MAJIN: variants seen among roughly 807,000 people sequenced by gnomAD.
The protein encoded by MAJIN is membrane anchored junction protein, also known as membrane-anchored junction protein.
A neutral mutation model predicts 30.2 loss-of-function variants in MAJIN; 27 were observed. The ratio of observed to expected loss-of-function variants is 0.89; its 90% CI spans 0.66 to 1.23. The LOEUF is 1.23. Ranked by LOEUF, MAJIN falls within the 50% of genes most tolerant of loss-of-function variation. MAJIN has a pLI of 0.00. For synonymous variants in MAJIN, 78 were observed against 91.6 expected, an observed-to-expected ratio of 0.85 and a Z score of 0.85; for missense variants, 253 against 260.3, an observed-to-expected ratio of 0.97 and a Z score of 0.19.
chr11:64,968,748 C>T (rs1478556432), intron 1 of MAJIN, among the ~76,000 whole-genome samples: 6 of 151,530 alleles, frequency 4.0e-5, no homozygotes, highest in Admixed American at 3.3e-4. Flanking sequence ...GGGAGAATGG[C>T]ACGAACCCAG....
At chr11:64,966,536 CAAAAAAAGAA>C (rs1945812603) in intron 1 of MAJIN, among the ~76,000 whole-genome samples, 1 of 150,988 alleles carries the variant, frequency 6.6e-6, no homozygotes, top group African/African-American at 2.4e-5. Flanking sequence ...GACTCCATCT[CAAAAAAAGAA>C]AAGAAAAGAA....
At chr11:64,944,495 C>CA (rs1945421731) in intron 8 of MAJIN, among the ~76,000 whole-genome samples, 1 of 152,108 alleles carries the variant, frequency 6.6e-6, no homozygotes, top group African/African-American at 2.4e-5. Context: ...CCCATCTCTA[C>CA]AAAAAATACA....
chr11:64,969,885 A>G (rs1272941697), intron 1 of MAJIN, among the ~76,000 whole-genome samples: 1 of 152,082 alleles, frequency 6.6e-6, no homozygotes, highest in East Asian at 1.9e-4. Context: ...GAAGAGGTAA[A>G]AGCACCATTT....
intron 1 of MAJIN, among the ~76,000 whole-genome samples, chr11:64,963,005 C>T (rs1282395505): frequency 3.9e-5 from 6 of 151,988 alleles, no homozygotes; most frequent in Admixed American, 6.6e-5. Flanking sequence ...GGGGCACCTG[C>T]AATCCCAGCT....
chr11:64,957,854 G>T lies in MAJIN; in HGVS notation c.101+1451C>A, dbSNP rs554622975. On this transcript the variant is annotated intron_variant, in intron 3 of 10. Transcript: ENST00000301896. ...TGGGATTACAGGCATGAGCCATCTT[G>T]CCTGGCTCACTAAATATAACTTTAA... Among the ~76,000 whole-genome samples, 30 of 152,172 alleles carry T rather than the reference G, an allele frequency of 2.0e-4. 1 individual carries two copies. Among genetic ancestry groups the T allele is most frequent in the African/African-American group, 7.0e-4 (29 of 41,514 alleles).
chr11:64,953,285 C>T (rs1164154516), intron 4 of MAJIN, among the ~76,000 whole-genome samples: 1 of 152,090 alleles, frequency 6.6e-6, no homozygotes, highest in East Asian at 1.9e-4. Context: ...CGAAGTCAAA[C>T]TGTGAATGGC....
intron 1 of MAJIN, among the ~76,000 whole-genome samples, chr11:64,961,195 T>G (rs1228526088): frequency 2.0e-5 from 3 of 151,148 alleles, no homozygotes; most frequent in Non-Finnish European, 4.4e-5. Context: ...TGAGTCAGGG[T>G]CTCACTCTGT....
intron 1 of MAJIN, among the ~76,000 whole-genome samples, chr11:64,960,927 T>A (rs999542462): frequency 2.0e-5 from 3 of 152,166 alleles, no homozygotes; most frequent in African/African-American, 7.2e-5. Flanking sequence ...AGACTAGAAT[T>A]GCAGTCAAAA....
At chr11:64,953,357 T>G (rs1270010009) in intron 4 of MAJIN, among the ~76,000 whole-genome samples, 2 of 152,196 alleles carry the variant, frequency 1.3e-5, no homozygotes, top group Admixed American at 6.5e-5. Flanking sequence ...AGCTAGACAC[T>G]ATCCTAGTAT....
chr11:64,940,728 G>T, intron 8 of MAJIN, 82 bp from the exon 9 acceptor site: 1 of 1,276,232 alleles, frequency 7.8e-7, no homozygotes, highest in South Asian at 1.2e-5. Context: ...CTGGTGAACT[G>T]ATTTCATATC....
intron 1 of MAJIN, among the ~76,000 whole-genome samples, chr11:64,962,209 T>C (rs77432824): frequency 2.6e-5 from 4 of 152,230 alleles, no homozygotes; most frequent in Non-Finnish European, 5.9e-5. Context: ...GGAAATTTCA[T>C]GTGTTGTACC....
chr11:64,964,180 G>T (rs1416864921), intron 1 of MAJIN, among the ~76,000 whole-genome samples: 1 of 152,134 alleles, frequency 6.6e-6, no homozygotes, highest in Non-Finnish European at 1.5e-5. Context: ...CGGACCTCAG[G>T]TGATCTCCCT....
At chr11:64,961,093 G>A (rs1471406487) in intron 1 of MAJIN, among the ~76,000 whole-genome samples, 1 of 152,100 alleles carries the variant, frequency 6.6e-6, no homozygotes, top group Non-Finnish European at 1.5e-5. Context: ...TAGGCGGTGA[G>A]CCCACCTGGT....
chr11:64,943,410 C>T (rs1318278787), intron 8 of MAJIN, among the ~76,000 whole-genome samples: 2 of 152,174 alleles, frequency 1.3e-5, no homozygotes, highest in African/African-American at 4.8e-5. Flanking sequence ...TCTAAGCTTT[C>T]GCCACACAGG....
At chr11:64,971,559 C>T (rs1459713312) in intron 1 of MAJIN, among the ~76,000 whole-genome samples, 4 of 151,990 alleles carry the variant, frequency 2.6e-5, no homozygotes, top group Admixed American at 2.0e-4. Context: ...CAGCAGGGTC[C>T]CCGTACTGTG....
chr11:64,938,328 T>C lies in MAJIN; in HGVS notation c.*247A>G, dbSNP rs1945317781. The C allele has an allele frequency of 1.7e-6, 1 of 592,998 alleles. No individual in the cohort carries two copies. Among genetic ancestry groups the C allele is most frequent in the Non-Finnish European group, 2.9e-6 (1 of 345,474 alleles). The allele number at this position is 592,998 out of a possible 1,614,324, so 36.7% of individuals were successfully genotyped here. ...GACATGAACATTTTAGAAAGTTCCA[T>C]TCTTAATGTTTTAAATTGGGGGAAA... On this transcript the variant is annotated 3_prime_UTR_variant, in exon 11 of 11. Coordinates refer to ENST00000301896, the MANE Select transcript of MAJIN (RefSeq NM_001037225.3).
At chr11:64,966,428 G>A (rs145487052) in intron 1 of MAJIN, among the ~76,000 whole-genome samples, 30 of 151,770 alleles carry the variant, frequency 2.0e-4, no homozygotes, top group African/African-American at 6.8e-4. Context: ...CCAGATACTC[G>A]GGAGGCTGAG....
At chr11:64,957,471 T>C (rs570102898) in intron 3 of MAJIN, among the ~76,000 whole-genome samples, 9 of 152,168 alleles carry the variant, frequency 5.9e-5, no homozygotes, top group Non-Finnish European at 1.3e-4. Flanking sequence ...AGCGGCGCGA[T>C]CTGCTCACTG....
intron 6 of MAJIN, among the ~76,000 whole-genome samples, chr11:64,948,349 A>C (rs554930484): frequency 6.6e-5 from 10 of 151,944 alleles, no homozygotes; most frequent in Admixed American, 5.9e-4. Context: ...GATCCTTACT[A>C]AAAAAGAAAA....
Sources: gnomAD v4.1 joint callset for allele counts (sites outside exome capture counted in the v4.1 genomes callset) on GRCh38, gnomAD v4.1.1 for gene constraint, MANE v1.5 for transcripts, NCBI Gene and HGNC (gene_info 2026-07-23, HGNC 2026-07-21) for gene names.